Variants in LAMA1 observed in about 807,000 individuals in gnomAD.
LAMA1 encodes the protein laminin subunit alpha 1.
In LAMA1, 219 loss-of-function variants were observed where a neutral mutation model predicts 348.7. The observed-to-expected ratio is 0.63, with a 90% CI of 0.56 to 0.70. The LOEUF (loss-of-function observed/expected upper bound fraction) is 0.70, where lower values mean the gene tolerates loss of function less well. LAMA1 is among the 30% of genes least tolerant of loss of function. The pLI, the probability that LAMA1 is intolerant of heterozygous loss-of-function variation, is 0.00. For synonymous variants in LAMA1, 1,487 were observed against 1,491.0 expected, an observed-to-expected ratio of 1.00 and a Z score of 0.06; for missense variants, 3,744 against 3,888.0, an observed-to-expected ratio of 0.96 and a Z score of 0.99.
At position 7,040,249 on chromosome 18, in the gene LAMA1, C is replaced by A. The variant is rs1455805234; in HGVS notation, c.1262-13G>T. On this transcript the variant is annotated splice_polypyrimidine_tract_variant and intron_variant, in intron 9 of 62. Coordinates refer to ENST00000389658, the MANE Select transcript of LAMA1 (RefSeq NM_005559.4). ...CCTGGCTGCTTCCCTAGAAAGACAACAATGGCAATGACCCAACATGAAGGC... is the reference window on the plus strand; with the variant it reads ...CCTGGCTGCTTCCCTAGAAAGACAAAAATGGCAATGACCCAACATGAAGGC... 1.9e-6 allele frequency: 3 copies of A among 1,613,980 alleles called. No individual in the cohort carries two copies. Among genetic ancestry groups the A allele is most frequent in the East Asian group, 2.2e-5 (1 of 44,870 alleles).
At chr18:6,972,752 C>T (rs111341800) in intron 47 of LAMA1, among the ~76,000 whole-genome samples, 5,454 of 152,266 alleles carry the variant, frequency 0.036, 197 homozygotes, top group African/African-American at 0.091. Flanking sequence ...TGCAATGGCG[C>T]GATCTCAGCT....
chr18:7,024,447 G>C lies in LAMA1; in HGVS notation c.2422C>G (p.Leu808Val). 6.2e-7 allele frequency: 1 copy of C among 1,613,948 alleles called. No individual in the cohort carries two copies. The highest frequency in any genetic ancestry group is 8.5e-7 in the Non-Finnish European group (1 of 1,179,928). The change falls in exon 18 of 63, where the codon CTC becomes GTC. Residue 808 changes from leucine (L) to valine (V), a missense_variant. Leu to Val is a conservative substitution (Grantham distance 32). Around this residue, in one of 3 missense-constraint regions of LAMA1, gnomAD observed 1,529 missense variants for 1,689.4 expected, o/e 0.91. Coordinates refer to ENST00000389658, the MANE Select transcript of LAMA1 (RefSeq NM_005559.4). ...CAGACCACTTCATCTCCATCATTGAGGTGGCAGGTGGGGCTGAAACTGTCA... is the reference window on the plus strand; with the variant it reads ...CAGACCACTTCATCTCCATCATTGACGTGGCAGGTGGGGCTGAAACTGTCA... ...ASNNFSPTCH[L>V]NDGDEVVCDW...
chr18:7,052,018 C>A (rs1003606115), intron 3 of LAMA1, among the ~76,000 whole-genome samples: 2 of 152,164 alleles, frequency 1.3e-5, no homozygotes, highest in African/African-American at 2.4e-5. Flanking sequence ...TTGGAAGCAA[C>A]CAAGATGTCC....
chr18:6,997,631 G>A, intron 33 of LAMA1, 111 bp downstream of exon 33: 1 of 1,177,098 alleles, frequency 8.5e-7, no homozygotes, highest in Non-Finnish European at 1.3e-6. Context: ...GCTGATGGAA[G>A]TTGGGCTCTC....
In LAMA1 at chr18:7,011,464, C is replaced by T. The variant is rs146232089; in HGVS notation, c.3523G>A (p.Asp1175Asn). The change falls in exon 25 of 63, where the codon GAT (aspartate) becomes AAT (asparagine). Residue 1175 changes from aspartate (D) to asparagine (N), a missense_variant. Transcript: ENST00000389658. Reference sequence around the variant, plus strand: ...GAAACCACACGCAGAAGAGGCTGATCGGAGCCCAGCGTTACCTAAACCACG... The same window carrying T: ...GAAACCACACGCAGAAGAGGCTGATTGGAGCCCAGCGTTACCTAAACCACG... ...YVRTPVTLGS[D>N]QPLLRVVSQS... is the part of the protein sequence containing the mutation. The T allele has an allele frequency of 1.4e-4, 217 of 1,604,786 alleles. No homozygotes were observed. The African/African-American group carries it at 2.2e-3, about 16-fold the overall frequency.
At chr18:6,979,830 C>A (rs183539209) in intron 42 of LAMA1, among the ~76,000 whole-genome samples, 1 of 151,994 alleles carries the variant, frequency 6.6e-6, no homozygotes, top group Non-Finnish European at 1.5e-5. Flanking sequence ...ACCCGGGGGG[C>A]GGAGCTTGCA....
At chr18:6,997,708 A>C (rs1423505724) in intron 33 of LAMA1, 34 bp downstream of exon 33, 1 of 1,605,284 alleles carries the variant, frequency 6.2e-7, no homozygotes, top group African/African-American at 1.3e-5. Flanking sequence ...TAATGATACA[A>C]GTGTCTGTTC....
chr18:7,015,731 C>T lies in LAMA1; in HGVS notation c.3117G>A (p.Val1039=). 6.2e-7 allele frequency: 1 copy of T among 1,613,902 alleles called. No homozygotes were observed. Among genetic ancestry groups the T allele is most frequent in the Non-Finnish European group, 8.5e-7 (1 of 1,180,030 alleles). The part of the protein sequence containing the change: ...EDGHWGYDAE[V]GCQACNCSLV... ...GGATGACAGTGCTCACCTGGCACCCCACCTCCGCATCGTAGCCCCAGTGCC... is the reference window on the plus strand; with the variant it reads ...GGATGACAGTGCTCACCTGGCACCCTACCTCCGCATCGTAGCCCCAGTGCC... The change falls in exon 22 of 63, where the codon GTG becomes GTA. Residue 1039 remains valine (V), a synonymous_variant. Transcript: ENST00000389658.
Position 7,026,959 on chromosome 18 carries a change from C to T in LAMA1, c.2275-853G>A, listed in dbSNP as rs545447590. Among the ~76,000 whole-genome samples the T allele has an allele frequency of 4.0e-5, 6 of 149,740 alleles. No individual in the cohort carries two copies. The East Asian group carries it at 1.2e-3, about 29-fold the overall frequency. On this transcript the variant is annotated intron_variant, in intron 16 of 62. Transcript: ENST00000389658. ...TAGTCAGCTGAGATGGCGCCACTGCCTGGGTGACAGCGAGACTCCGTCTCA... is the reference window on the plus strand; with the variant it reads ...TAGTCAGCTGAGATGGCGCCACTGCTTGGGTGACAGCGAGACTCCGTCTCA...
At chr18:6,964,252 C>T (rs761244365) in intron 51 of LAMA1, 2 of 285,244 alleles carry the variant, frequency 7.0e-6, no homozygotes, top group Non-Finnish European at 1.4e-5. Flanking sequence ...CAGGTTGAAC[C>T]GTGTCCTCCC....
intron 22 of LAMA1, among the ~76,000 whole-genome samples, chr18:7,015,008 A>G (rs184257983): frequency 1.9e-4 from 29 of 151,482 alleles, no homozygotes; most frequent in Non-Finnish European, 3.8e-4. Flanking sequence ...CACCACGCCC[A>G]GCTAATTTTT....
chr18:6,967,279 A>T (rs1181675373), intron 48 of LAMA1, among the ~76,000 whole-genome samples: 2 of 152,206 alleles, frequency 1.3e-5, no homozygotes, highest in African/African-American at 2.4e-5. Flanking sequence ...AGGAATTATA[A>T]CTTAAAAGAA....
At chr18:7,057,555 G>A (rs1161240306) in intron 3 of LAMA1, among the ~76,000 whole-genome samples, 3 of 139,338 alleles carry the variant, frequency 2.2e-5, no homozygotes, top group Non-Finnish European at 3.0e-5. Context: ...GCTCACTACA[G>A]CCTTGACCTC....
Position 6,943,285 on chromosome 18 carries a change from G to A in LAMA1, c.8962C>T (p.Arg2988Cys), listed in dbSNP as rs138692442. 367 of 1,614,188 alleles carry A rather than the reference G, an allele frequency of 2.3e-4. 1 individual carries two copies. The South Asian group carries it at 3.2e-3, about 14-fold the overall frequency. ...TTCCCGTCAACAATCAGAGTGATAC[G>A]GTGTTTGCTTTTGTTAGCTTGAAGA... Reference protein sequence around the residue: ...HTLQANKSKHRITLIVDGNAV... With the variant: ...HTLQANKSKHCITLIVDGNAV... The change falls in exon 62 of 63, where the codon CGT (arginine) becomes TGT (cysteine). Residue 2988 changes from arginine to cysteine, a missense_variant. Arg to Cys is a radical substitution (Grantham distance 180). Coordinates refer to ENST00000389658, the MANE Select transcript of LAMA1 (RefSeq NM_005559.4).
In LAMA1 at chr18:6,985,234, T is replaced by C; in HGVS notation, c.5660+3A>G. On this transcript the variant is annotated splice_donor_region_variant and intron_variant, in intron 39 of 62. Coordinates refer to ENST00000389658, the MANE Select transcript of LAMA1 (RefSeq NM_005559.4). ...TTGAGTTCCCACAAAGGCGTGTTCC[T>C]ACCTGTACAGAACATCTGCTAGTCT... is the stretch of plus-strand genomic sequence containing the variant. 6.2e-7 allele frequency: 1 copy of C among 1,614,088 alleles called. No homozygotes were observed. The highest frequency in any genetic ancestry group is 8.5e-7 in the Non-Finnish European group (1 of 1,179,938).
At chr18:6,984,743 T>G (rs1191590677) in intron 39 of LAMA1, among the ~76,000 whole-genome samples, 1 of 152,174 alleles carries the variant, frequency 6.6e-6, no homozygotes, top group Non-Finnish European at 1.5e-5. Flanking sequence ...TTTCAGGCAG[T>G]AGAAAATAAT....
chr18:7,014,560 TACAGTGAGCTTTGA>T (rs1279811804), intron 22 of LAMA1, among the ~76,000 whole-genome samples: 13 of 40,546 alleles, frequency 3.2e-4, no homozygotes, highest in Non-Finnish European at 6.6e-4. Flanking sequence ...AGGTCAAGGA[TACAGTGAGCTTTGA>T]GGATACAGTG....
intron 44 of LAMA1, 151 bp from the exon 45 acceptor site, chr18:6,976,231 A>G (rs1269728717): frequency 1.4e-6 from 1 of 737,500 alleles, no homozygotes; most frequent in African/African-American, 1.7e-5. Context: ...ATGAAGTGAC[A>G]TATCAGATGG....
At chr18:7,066,457 T>C (rs1298528120) in intron 3 of LAMA1, among the ~76,000 whole-genome samples, 1 of 152,214 alleles carries the variant, frequency 6.6e-6, no homozygotes, top group Non-Finnish European at 1.5e-5. Context: ...GGTTAGAATA[T>C]GACTTGAAAA....
Sources: allele counts gnomAD v4.1 joint callset (sites outside exome capture counted in the v4.1 genomes callset), GRCh38; gene constraint gnomAD v4.1.1; regional missense constraint gnomAD v4.1.1; transcripts MANE v1.5; gene names NCBI Gene and HGNC (gene_info 2026-07-23, HGNC 2026-07-21).